Variants in ASIC2 observed in about 807,000 individuals in gnomAD.
ASIC2 encodes the protein acid-sensing ion channel 2.
Under a neutral mutation model 57.3 loss-of-function variants are expected in ASIC2, and 25 were observed. That is an observed-to-expected ratio of 0.44 (90% CI 0.32 to 0.61). ASIC2 has a LOEUF of 0.61. Among genes scored for constraint, ASIC2 ranks in the 20% least tolerant of loss-of-function variants. The pLI is 0.06. For synonymous variants in ASIC2, 319 were observed against 307.5 expected (o/e 1.04, Z -0.39); for missense variants, 641 against 738.1 (o/e 0.87, Z 1.52).
chr17:33,703,321 CT>C (rs1555553181), intron 1 of ASIC2, among the ~76,000 whole-genome samples: 48 of 143,446 alleles, frequency 3.3e-4, no homozygotes, highest in Middle Eastern at 3.6e-3. Flanking sequence ...GTTTCTTTTT[CT>C]TTTTTTTTTT....
intron 1 of ASIC2, among the ~76,000 whole-genome samples, chr17:33,885,970 T>A (rs1280022643): frequency 1.3e-5 from 2 of 152,186 alleles, no homozygotes; most frequent in Non-Finnish European, 2.9e-5. Flanking sequence ...ATAGGTGCAA[T>A]CTCAATGACC....
chr17:33,198,922 A>T (rs1357771619), intron 1 of ASIC2, among the ~76,000 whole-genome samples: 1 of 152,238 alleles, frequency 6.6e-6, no homozygotes, highest in Non-Finnish European at 1.5e-5. Flanking sequence ...GACCTGGCTC[A>T]TGATAACAAG....
chr17:33,119,983 G>A (rs114767695), intron 1 of ASIC2, among the ~76,000 whole-genome samples: 1 of 152,182 alleles, frequency 6.6e-6, no homozygotes, highest in Non-Finnish European at 1.5e-5. Flanking sequence ...CGCTCCGTCT[G>A]TTAAGGCTCA....
intron 3 of ASIC2, among the ~76,000 whole-genome samples, chr17:33,059,755 A>T (rs1200376872): frequency 2.0e-5 from 3 of 152,154 alleles, no homozygotes; most frequent in Admixed American, 6.6e-5. Context: ...ACAATGGTTG[A>T]ACTAGTTTAC....
intron 1 of ASIC2, among the ~76,000 whole-genome samples, chr17:33,351,236 C>T (rs1038379107): frequency 6.6e-6 from 1 of 152,062 alleles, no homozygotes; most frequent in Admixed American, 6.5e-5. Context: ...CTCCCCTCCT[C>T]CTCTCTGACT....
intron 1 of ASIC2, among the ~76,000 whole-genome samples, chr17:33,113,073 T>C (rs975743374): frequency 6.6e-6 from 1 of 152,112 alleles, no homozygotes; most frequent in African/African-American, 2.4e-5. Context: ...TGGCACACAA[T>C]AGGGCTCAGT....
intron 1 of ASIC2, among the ~76,000 whole-genome samples, chr17:33,625,129 G>GTCTGTCTGTCTATCTATCTATCTA (rs1555548113): frequency 6.8e-6 from 1 of 146,340 alleles, no homozygotes; most frequent in African/African-American, 2.5e-5. Flanking sequence ...TGGCCTCTCT[G>GTCTGTCTGTCTATCTATCTATCTA]TCTATCTATC....
chr17:33,790,481 A>C (rs1911738924), intron 1 of ASIC2, among the ~76,000 whole-genome samples: 1 of 152,206 alleles, frequency 6.6e-6, no homozygotes. Flanking sequence ...TTGTGTTTGC[A>C]GTATTGGTTA....
At chr17:34,150,956 T>C (rs1904491630) in intron 1 of ASIC2, among the ~76,000 whole-genome samples, 1 of 151,892 alleles carries the variant, frequency 6.6e-6, no homozygotes, top group South Asian at 2.1e-4. Context: ...CTACTAAAAA[T>C]ACCAGGCATG....
chr17:33,499,160 C>G (rs1567631539), intron 1 of ASIC2, among the ~76,000 whole-genome samples: 2 of 152,200 alleles, frequency 1.3e-5, no homozygotes, highest in African/African-American at 2.4e-5. Flanking sequence ...GTGGGGGTGT[C>G]TACATCTCCT....
At chr17:33,249,844 C>T (rs1300105710) in intron 1 of ASIC2, among the ~76,000 whole-genome samples, 3 of 152,166 alleles carry the variant, frequency 2.0e-5, no homozygotes, top group Non-Finnish European at 4.4e-5. Context: ...CTGAACACCT[C>T]TCAGGATTCA....
chr17:33,898,561 C>T (rs569514638), intron 1 of ASIC2, among the ~76,000 whole-genome samples: 5 of 152,146 alleles, frequency 3.3e-5, no homozygotes, highest in African/African-American at 7.2e-5. Flanking sequence ...CCTAGCTTCC[C>T]GTAGTACAAT....
At chr17:33,339,591 C>T (rs990061625) in intron 1 of ASIC2, among the ~76,000 whole-genome samples, 18 of 152,164 alleles carry the variant, frequency 1.2e-4, no homozygotes, top group African/African-American at 4.1e-4. Flanking sequence ...AAGGAGTGCA[C>T]AGAAAGGGCC....
At chr17:34,048,422 T>C (rs973066314) in intron 1 of ASIC2, among the ~76,000 whole-genome samples, 3 of 152,234 alleles carry the variant, frequency 2.0e-5, no homozygotes, top group African/African-American at 4.8e-5. Flanking sequence ...GGAAAGATAG[T>C]AGATTGCAAT....
chr17:33,678,767 A>C (rs1037230642), intron 1 of ASIC2, among the ~76,000 whole-genome samples: 1 of 152,118 alleles, frequency 6.6e-6, no homozygotes, highest in African/African-American at 2.4e-5. Context: ...GGAACCTCAG[A>C]GCAAATGAGA....
chr17:33,205,476 CA>C (rs1907025913), intron 1 of ASIC2, among the ~76,000 whole-genome samples: 1 of 152,206 alleles, frequency 6.6e-6, no homozygotes, highest in African/African-American at 2.4e-5. Context: ...ATTTACTTAT[CA>C]AAGGTTCTAA....
chr17:33,286,620 T>G (rs557503959), intron 1 of ASIC2, among the ~76,000 whole-genome samples: 1 of 152,362 alleles, frequency 6.6e-6, no homozygotes, highest in East Asian at 1.9e-4. Context: ...AATGGACTCC[T>G]GTCCTCTCAC....
intron 1 of ASIC2, among the ~76,000 whole-genome samples, chr17:33,710,366 C>G (rs1175418393): frequency 6.6e-6 from 1 of 152,152 alleles, no homozygotes; most frequent in Admixed American, 6.5e-5. Flanking sequence ...AAAAATAAGA[C>G]AAAAGCCAAT....
At chr17:33,106,918 A>G (rs940799846) in intron 2 of ASIC2, among the ~76,000 whole-genome samples, 1 of 152,200 alleles carries the variant, frequency 6.6e-6, no homozygotes, top group Non-Finnish European at 1.5e-5. Context: ...AAGAATTCAG[A>G]GGGAGGAGGA....
Sources: allele counts gnomAD v4.1 joint callset (sites outside exome capture counted in the v4.1 genomes callset), GRCh38; gene constraint gnomAD v4.1.1; transcripts MANE v1.5; gene names NCBI Gene and HGNC (gene_info 2026-07-23, HGNC 2026-07-21).